The following MEOX2 variants were observed in gnomAD, a reference collection of about 807,000 sequenced individuals.
The protein encoded by MEOX2 is mesenchyme homeobox 2.
A neutral mutation model predicts 27.0 loss-of-function variants in MEOX2; 11 were observed. That is an observed-to-expected ratio of 0.41 (90% CI 0.26 to 0.68). The LOEUF (loss-of-function observed/expected upper bound fraction) is 0.68, where lower values mean the gene tolerates loss of function less well. Ranked by LOEUF, MEOX2 falls within the 30% of genes least tolerant of loss-of-function variation. The probability of loss-of-function intolerance (pLI) is 0.33; values close to 1 mark genes in which losing one functional copy is unlikely to be tolerated. For missense variants in MEOX2, 436 were observed against 385.4 expected (o/e 1.13, Z -1.10); for synonymous variants, 189 against 155.4 (o/e 1.22, Z -1.61).
At chr7:15,635,306 C>G (rs1046309838) in intron 1 of MEOX2, among the ~76,000 whole-genome samples, 2 of 151,894 alleles carry the variant, frequency 1.3e-5, no homozygotes, top group Non-Finnish European at 2.9e-5. Context: ...TACTGCATGG[C>G]CTTTTCACAA....
intron 1 of MEOX2, chr7:15,680,009 A>C (rs1583796262): frequency 2.0e-5 from 3 of 152,024 alleles, no homozygotes; most frequent in East Asian, 1.9e-4. Context: ...TTCTGTACAC[A>C]AAGTAACATT....
At chr7:15,673,396 A>G (rs746396516) in intron 1 of MEOX2, among the ~76,000 whole-genome samples, 3 of 152,128 alleles carry the variant, frequency 2.0e-5, no homozygotes, top group Non-Finnish European at 2.9e-5. Flanking sequence ...GGGAAAATAT[A>G]TTACAGGCTA....
intron 2 of MEOX2, among the ~76,000 whole-genome samples, chr7:15,624,763 T>A (rs1458765794): frequency 1.3e-5 from 2 of 152,166 alleles, no homozygotes; most frequent in African/African-American, 4.8e-5. Flanking sequence ...TTGGTTATTA[T>A]TTGAAGCCAT....
chr7:15,669,228 T>C (rs542186856), intron 1 of MEOX2, among the ~76,000 whole-genome samples: 1 of 152,372 alleles, frequency 6.6e-6, no homozygotes, highest in Admixed American at 6.5e-5. Flanking sequence ...AGTAAAACTT[T>C]ACTACAAATT....
Position 15,641,588 on chromosome 7 carries a change from A to T in MEOX2, c.518-14670T>A, listed in dbSNP as rs567471888. On this transcript the variant is annotated intron_variant, in intron 1 of 2. Transcript: ENST00000262041. ...TCCAGTTTGCCAATCTGTATCTTTT[A>T]AGTGGGGCAGTTAGGCTATTTACAA... is the stretch of plus-strand genomic sequence containing the variant. Among the ~76,000 whole-genome samples the T allele has an allele frequency of 7.9e-5, 12 of 152,218 alleles. No individual in the cohort carries two copies. The East Asian group carries it at 2.3e-3, about 29-fold the overall frequency.
At chr7:15,657,635 G>T (rs1035595885) in intron 1 of MEOX2, among the ~76,000 whole-genome samples, 5 of 151,898 alleles carry the variant, frequency 3.3e-5, no homozygotes, top group Non-Finnish European at 7.4e-5. Context: ...CTTAATCATT[G>T]AAAAGATTTT....
intron 2 of MEOX2, among the ~76,000 whole-genome samples, chr7:15,621,413 T>C (rs559205870): frequency 6.6e-6 from 1 of 152,300 alleles, no homozygotes; most frequent in East Asian, 1.9e-4. Context: ...TTTTCCTTCT[T>C]TGGCCAGATG....
chr7:15,634,518 A>G (rs1781452440), intron 1 of MEOX2, among the ~76,000 whole-genome samples: 1 of 152,060 alleles, frequency 6.6e-6, no homozygotes, highest in Non-Finnish European at 1.5e-5. Flanking sequence ...TGAAAATTCT[A>G]ATTCAACCAG....
At chr7:15,665,927 G>A (rs1302000122) in intron 1 of MEOX2, among the ~76,000 whole-genome samples, 3 of 151,980 alleles carry the variant, frequency 2.0e-5, no homozygotes, top group South Asian at 2.1e-4. Flanking sequence ...TCCCACCTCT[G>A]CATATATGGT....
chr7:15,683,974 TG>T lies in MEOX2; in HGVS notation c.517+1911del, dbSNP rs200296868. 3.3e-5 allele frequency among the ~76,000 whole-genome samples: 5 copies of T among 152,162 alleles called. No homozygotes were observed. The East Asian group carries it at 5.8e-4, about 18-fold the overall frequency. ...GTTAAATGGTTATTTCCCACTAAGTTGGGGGGGAGAGATAAATTAGTTTTGT... is the reference window on the plus strand; with the variant it reads ...GTTAAATGGTTATTTCCCACTAAGTTGGGGGGAGAGATAAATTAGTTTTGT... On this transcript the variant is annotated intron_variant, in intron 1 of 2. Coordinates refer to ENST00000262041, the MANE Select transcript of MEOX2 (RefSeq NM_005924.5).
At chr7:15,657,509 A>T (rs899982324) in intron 1 of MEOX2, among the ~76,000 whole-genome samples, 2 of 151,926 alleles carry the variant, frequency 1.3e-5, no homozygotes, top group African/African-American at 4.8e-5. Context: ...TGGCTAGTAT[A>T]TTTTTAGTTT....
chr7:15,661,059 G>A (rs560714092), intron 1 of MEOX2, among the ~76,000 whole-genome samples: 3 of 146,492 alleles, frequency 2.0e-5, no homozygotes, highest in African/African-American at 2.5e-5. Context: ...AGAGAGAAAG[G>A]AAGCATTAGG....
intron 1 of MEOX2, among the ~76,000 whole-genome samples, chr7:15,648,199 T>C (rs1415521267): frequency 6.6e-6 from 1 of 152,098 alleles, no homozygotes; most frequent in Admixed American, 6.6e-5. Flanking sequence ...TGTTTGCTTC[T>C]CTGAATTATT....
At chr7:15,633,666 T>C (rs894703512) in intron 1 of MEOX2, among the ~76,000 whole-genome samples, 1 of 151,956 alleles carries the variant, frequency 6.6e-6, no homozygotes, top group African/African-American at 2.4e-5. Flanking sequence ...GCTGTAATTC[T>C]GAGCCATTTC....
chr7:15,637,003 C>T (rs894066706), intron 1 of MEOX2, among the ~76,000 whole-genome samples: 7 of 151,994 alleles, frequency 4.6e-5, no homozygotes, highest in East Asian at 1.9e-4. Context: ...GTTTTCAACA[C>T]GTGAATTTTG....
intron 1 of MEOX2, among the ~76,000 whole-genome samples, chr7:15,661,878 G>C (rs1452125296): frequency 6.6e-6 from 1 of 152,162 alleles, no homozygotes; most frequent in Non-Finnish European, 1.5e-5. Flanking sequence ...AAACATAGAT[G>C]CTACTACCTC....
At chr7:15,647,372 A>T (rs1317340380) in intron 1 of MEOX2, among the ~76,000 whole-genome samples, 1 of 152,108 alleles carries the variant, frequency 6.6e-6, no homozygotes, top group Non-Finnish European at 1.5e-5. Context: ...ATTAAATGGT[A>T]AGATATTTCC....
chr7:15,630,415 T>C (rs566261544), intron 1 of MEOX2, among the ~76,000 whole-genome samples: 5 of 152,198 alleles, frequency 3.3e-5, no homozygotes, highest in Middle Eastern at 3.4e-3. Flanking sequence ...TGTTCACTAG[T>C]GGCACAGAGT....
At chr7:15,623,840 T>C (rs1014648318) in intron 2 of MEOX2, among the ~76,000 whole-genome samples, 2 of 152,254 alleles carry the variant, frequency 1.3e-5, no homozygotes, top group Non-Finnish European at 2.9e-5. Flanking sequence ...ATTGTGAATA[T>C]TTGTTCAATT....
Sources: gnomAD v4.1 joint callset for allele counts (sites outside exome capture counted in the v4.1 genomes callset) on GRCh38, gnomAD v4.1.1 for gene constraint, MANE v1.5 for transcripts, NCBI Gene and HGNC (gene_info 2026-07-23, HGNC 2026-07-21) for gene names.